The following SCAI variants were observed in gnomAD, a reference collection of about 807,000 sequenced individuals.
The protein encoded by SCAI is protein SCAI.
Under a neutral mutation model 92.2 loss-of-function variants are expected in SCAI, and 24 were observed. The observed-to-expected ratio is 0.26, with a 90% CI of 0.19 to 0.37. SCAI has a LOEUF of 0.37. SCAI is among the 10% of genes least tolerant of loss of function. The probability of loss-of-function intolerance (pLI) is 1.00; values close to 1 mark genes in which losing one functional copy is unlikely to be tolerated. For missense variants in SCAI, 450 were observed against 736.2 expected (o/e 0.61, Z 4.50); for synonymous variants, 261 against 258.6 (o/e 1.01, Z -0.09).
intron 2 of SCAI, among the ~76,000 whole-genome samples, chr9:125,069,107 A>G (rs1221145257): frequency 1.3e-5 from 2 of 151,672 alleles, no homozygotes; most frequent in Admixed American, 1.3e-4. Context: ...AACCCTAGCT[A>G]CTCGGGAGGC....
At chr9:125,032,897 G>A (rs945953662) in intron 3 of SCAI, among the ~76,000 whole-genome samples, 3 of 152,074 alleles carry the variant, frequency 2.0e-5, no homozygotes, top group South Asian at 2.1e-4. Context: ...GATTACAGGT[G>A]TGAGCCACTG....
At chr9:124,984,711 C>T (rs748877472) in intron 14 of SCAI, among the ~76,000 whole-genome samples, 4 of 152,152 alleles carry the variant, frequency 2.6e-5, no homozygotes, top group African/African-American at 9.7e-5. Flanking sequence ...AGTTTGCAAA[C>T]TCTACCAACT....
chr9:124,974,099 C>T (rs1016399614), intron 15 of SCAI: 4 of 291,922 alleles, frequency 1.4e-5, no homozygotes, highest in African/African-American at 2.3e-5. Flanking sequence ...CTATCTGCCA[C>T]AAGACATTTG....
chr9:125,099,472 G>A (rs188377499), intron 2 of SCAI, among the ~76,000 whole-genome samples: 3 of 152,186 alleles, frequency 2.0e-5, no homozygotes, highest in Non-Finnish European at 4.4e-5. Flanking sequence ...AGTAGAGACA[G>A]GGTTTTGCCA....
intron 3 of SCAI, among the ~76,000 whole-genome samples, chr9:125,032,991 T>A (rs975622690): frequency 2.0e-5 from 3 of 152,132 alleles, no homozygotes; most frequent in Non-Finnish European, 4.4e-5. Context: ...TCTCTTCAAT[T>A]AATAGGATTA....
At chr9:125,138,030 A>C (rs1835576931) in intron 2 of SCAI, among the ~76,000 whole-genome samples, 1 of 152,164 alleles carries the variant, frequency 6.6e-6, no homozygotes, top group Non-Finnish European at 1.5e-5. Context: ...ATTAGCAATG[A>C]TGCAGGACTT....
chr9:124,964,260 C>T (rs1011255150), intron 17 of SCAI, among the ~76,000 whole-genome samples: 1 of 152,188 alleles, frequency 6.6e-6, no homozygotes, highest in African/African-American at 2.4e-5. Context: ...CACCCCACGT[C>T]ATCTTCTGTT....
At chr9:124,961,114 A>T (rs996849720) in intron 17 of SCAI, among the ~76,000 whole-genome samples, 1 of 147,370 alleles carries the variant, frequency 6.8e-6, no homozygotes, top group African/African-American at 2.5e-5. Context: ...ACAGACAGAG[A>T]CTCTGTCTCA....
chr9:125,122,603 A>AAT (rs1835177956), intron 2 of SCAI, among the ~76,000 whole-genome samples: 1 of 150,530 alleles, frequency 6.6e-6, no homozygotes, highest in African/African-American at 2.4e-5. Context: ...AAAAAAAAAA[A>AAT]AAAAAAAAAA....
chr9:124,963,101 T>G (rs1253663084), intron 17 of SCAI, among the ~76,000 whole-genome samples: 1 of 148,626 alleles, frequency 6.7e-6, no homozygotes, highest in Non-Finnish European at 1.5e-5. Flanking sequence ...ACCCAGCCTA[T>G]ATACTGTATT....
At chr9:124,972,908 C>T (rs926053201) in intron 15 of SCAI, among the ~76,000 whole-genome samples, 1 of 152,206 alleles carries the variant, frequency 6.6e-6, no homozygotes, top group Non-Finnish European at 1.5e-5. Flanking sequence ...CAAGTTCATT[C>T]TCTAGGACAT....
chr9:124,978,792 A>G (rs1296262660), intron 14 of SCAI, among the ~76,000 whole-genome samples: 1 of 152,228 alleles, frequency 6.6e-6, no homozygotes, highest in Admixed American at 6.5e-5. Context: ...CAATAATACA[A>G]TGGAATAATA....
chr9:125,090,660 T>C (rs1834412134), intron 2 of SCAI, among the ~76,000 whole-genome samples: 1 of 152,148 alleles, frequency 6.6e-6, no homozygotes, highest in African/African-American at 2.4e-5. Flanking sequence ...CATCTACTCT[T>C]ACACTCCTAT....
intron 2 of SCAI, among the ~76,000 whole-genome samples, chr9:125,126,824 ATAAG>A (rs1835290107): frequency 1.3e-5 from 2 of 152,254 alleles, no homozygotes; most frequent in Non-Finnish European, 2.9e-5. Flanking sequence ...TGATGAAAAT[ATAAG>A]TAGCCAGATA....
intron 14 of SCAI, among the ~76,000 whole-genome samples, chr9:124,989,576 C>A (rs1428140675): frequency 6.6e-6 from 1 of 151,602 alleles, no homozygotes; most frequent in Non-Finnish European, 1.5e-5. Context: ...AGTGAGACTG[C>A]ATCTCAAAAA....
At chr9:125,095,844 G>C (rs1257851119) in intron 2 of SCAI, among the ~76,000 whole-genome samples, 1 of 152,138 alleles carries the variant, frequency 6.6e-6, no homozygotes, top group African/African-American at 2.4e-5. Flanking sequence ...AGAATAGAAG[G>C]AGCCTGGATC....
At chr9:125,139,256 T>C (rs1223212728) in intron 2 of SCAI, among the ~76,000 whole-genome samples, 1 of 151,954 alleles carries the variant, frequency 6.6e-6, no homozygotes, top group Non-Finnish European at 1.5e-5. Flanking sequence ...CTACAAAAAA[T>C]GCAAAAATTA....
chr9:124,964,222 C>G (rs1831497487), intron 17 of SCAI, among the ~76,000 whole-genome samples: 1 of 152,166 alleles, frequency 6.6e-6, no homozygotes, highest in South Asian at 2.1e-4. Flanking sequence ...TGTCTGCTTC[C>G]TGGCACTGGT....
chr9:124,988,039 C>T (rs889543969), intron 14 of SCAI, among the ~76,000 whole-genome samples: 1 of 151,176 alleles, frequency 6.6e-6, no homozygotes, highest in African/African-American at 2.5e-5. Context: ...TCTATAAACA[C>T]ACACACACAC....
Sources: allele counts gnomAD v4.1 joint callset (sites outside exome capture counted in the v4.1 genomes callset), GRCh38; gene constraint gnomAD v4.1.1; transcripts MANE v1.5; gene names NCBI Gene and HGNC (gene_info 2026-07-23, HGNC 2026-07-21).